The following MACROD2 variants were observed in gnomAD, a reference collection of about 807,000 sequenced individuals.
The protein encoded by MACROD2 is ADP-ribose glycohydrolase MACROD2.
MACROD2 carries 36 observed loss-of-function variants against 70.4 expected under a neutral mutation model. That is an observed-to-expected ratio of 0.51 (90% CI 0.39 to 0.68). The LOEUF is 0.68. Ranked by LOEUF, MACROD2 falls within the 30% of genes least tolerant of loss-of-function variation. The pLI is 0.00. For missense variants in MACROD2, 496 were observed against 538.4 expected (o/e 0.92, Z 0.78); for synonymous variants, 172 against 178.8 (o/e 0.96, Z 0.30).
At chr20:14,642,310 A>T (rs188133199) in intron 4 of MACROD2, among the ~76,000 whole-genome samples, 3 of 152,108 alleles carry the variant, frequency 2.0e-5, no homozygotes, top group Admixed American at 2.0e-4. Context: ...TTGATCTTCT[A>T]TCCAGACCAC....
At chr20:14,509,182 C>T (rs530048039) in intron 4 of MACROD2, among the ~76,000 whole-genome samples, 115 of 152,148 alleles carry the variant, frequency 7.6e-4, no homozygotes, top group African/African-American at 2.6e-3. Context: ...ATCTGTTAGG[C>T]TAGAGGGTTT....
chr20:15,035,421 T>C (rs1325962411), intron 5 of MACROD2, among the ~76,000 whole-genome samples: 1 of 120,240 alleles, frequency 8.3e-6, no homozygotes, highest in Non-Finnish European at 1.7e-5. Context: ...ATAAGTAAAA[T>C]AAAATAAAAT....
intron 5 of MACROD2, among the ~76,000 whole-genome samples, chr20:14,819,890 G>A (rs184748174): frequency 4.6e-5 from 7 of 152,030 alleles, no homozygotes; most frequent in Non-Finnish European, 7.4e-5. Flanking sequence ...CCCTGTGAAA[G>A]ATGCAGCAGA....
At chr20:16,048,864 A>G (rs985877759) in intron 17 of MACROD2, among the ~76,000 whole-genome samples, 1 of 152,234 alleles carries the variant, frequency 6.6e-6, no homozygotes, top group African/African-American at 2.4e-5. Flanking sequence ...GAATACACAT[A>G]GCAGATATGC....
Position 14,684,900 on chromosome 20 carries a change from T to C in MACROD2, c.359T>C (p.Leu120Pro), listed in dbSNP as rs2123596809. Residue 120 changes from leucine to proline, a missense_variant, in exon 5 of 18, where the codon CTG becomes CCG. Physicochemically the swap from Leu to Pro is moderately conservative, Grantham distance 98. Transcript: ENST00000684519. ...TGTTTGCTAGCTGAATGTCGTAACC[T>C]GAATGGCTGTGATACTGGACATGCA... Reference protein sequence around the residue: ...GPCLLAECRNLNGCDTGHAKI... With the variant: ...GPCLLAECRNPNGCDTGHAKI... The C allele has an allele frequency of 6.2e-7, 1 of 1,614,040 alleles. No homozygotes were observed. Among genetic ancestry groups the C allele is most frequent in the South Asian group, 1.1e-5 (1 of 91,084 alleles).
At chr20:15,110,812 C>T (rs1416263080) in intron 5 of MACROD2, among the ~76,000 whole-genome samples, 2 of 152,166 alleles carry the variant, frequency 1.3e-5, no homozygotes, top group African/African-American at 2.4e-5. Flanking sequence ...GTGACAAATG[C>T]ACCTCCCTAG....
chr20:15,562,381 T>G (rs892634473), intron 8 of MACROD2, among the ~76,000 whole-genome samples: 11 of 152,196 alleles, frequency 7.2e-5, no homozygotes, highest in Admixed American at 5.9e-4. Context: ...AGTCCCATTT[T>G]CCACCACATT....
intron 5 of MACROD2, chr20:14,850,273 C>A (rs1479353426): frequency 5.7e-6 from 1 of 176,300 alleles, no homozygotes. Flanking sequence ...TAAAACCCAG[C>A]CTAATAAAGT....
At chr20:15,546,325 G>A (rs915271694) in intron 8 of MACROD2, among the ~76,000 whole-genome samples, 2 of 152,176 alleles carry the variant, frequency 1.3e-5, no homozygotes, top group East Asian at 1.9e-4. Flanking sequence ...CTAAATGACT[G>A]TAAATGGATT....
intron 5 of MACROD2, among the ~76,000 whole-genome samples, chr20:14,962,973 G>A (rs1166544919): frequency 6.6e-6 from 1 of 152,154 alleles, no homozygotes; most frequent in Non-Finnish European, 1.5e-5. Flanking sequence ...CCTGTTCGGA[G>A]ATGATTAGCA....
intron 5 of MACROD2, among the ~76,000 whole-genome samples, chr20:14,701,042 C>A (rs1322368348): frequency 1.3e-5 from 2 of 152,106 alleles, no homozygotes; most frequent in Non-Finnish European, 2.9e-5. Context: ...ATAAGGCCTG[C>A]AGCTTAACAG....
chr20:15,247,927 A>G (rs1025292274), intron 6 of MACROD2, among the ~76,000 whole-genome samples: 3 of 152,024 alleles, frequency 2.0e-5, no homozygotes, highest in Non-Finnish European at 2.9e-5. Context: ...TCAATTCCCA[A>G]CCTCAGGTGA....
intron 8 of MACROD2, among the ~76,000 whole-genome samples, chr20:15,735,948 C>T (rs1262269721): frequency 7.6e-6 from 1 of 131,100 alleles, no homozygotes; most frequent in Middle Eastern, 3.5e-3. Flanking sequence ...ATGTGCTGTA[C>T]ACTATACTAA....
chr20:14,716,209 AAGAT>A (rs1257415856), intron 5 of MACROD2, among the ~76,000 whole-genome samples: 1 of 152,178 alleles, frequency 6.6e-6, no homozygotes. Flanking sequence ...ATCCAAATAA[AAGAT>A]AGTTTTTTAA....
intron 7 of MACROD2, among the ~76,000 whole-genome samples, chr20:15,492,660 C>T (rs2047246513): frequency 6.6e-6 from 1 of 152,186 alleles, no homozygotes; most frequent in Admixed American, 6.5e-5. Context: ...ATCCTTCTCA[C>T]TCAGGACAAT....
At chr20:14,973,225 CTTTT>C (rs1223038135) in intron 5 of MACROD2, among the ~76,000 whole-genome samples, 1,426 of 85,712 alleles carry the variant, frequency 0.017, 23 homozygotes, top group African/African-American at 0.062. Context: ...TGAGTAGTTG[CTTTT>C]TTTTTTTTTT....
intron 5 of MACROD2, among the ~76,000 whole-genome samples, chr20:14,827,120 C>T (rs1360762848): frequency 6.6e-6 from 1 of 152,086 alleles, no homozygotes; most frequent in African/African-American, 2.4e-5. Flanking sequence ...AGCATCATCG[C>T]GTCCTTGGAT....
At chr20:14,713,216 C>T (rs2071358983) in intron 5 of MACROD2, among the ~76,000 whole-genome samples, 1 of 151,990 alleles carries the variant, frequency 6.6e-6, no homozygotes, top group South Asian at 2.1e-4. Context: ...TCTTTTAATA[C>T]CAATGACCAG....
intron 3 of MACROD2, among the ~76,000 whole-genome samples, chr20:14,112,230 TGGA>T (rs2054460910): frequency 6.6e-6 from 1 of 151,744 alleles, no homozygotes; most frequent in South Asian, 2.1e-4. Flanking sequence ...AGTGGGGGGT[TGGA>T]GGGTAAGTGG....
Sources: allele counts gnomAD v4.1 joint callset (sites outside exome capture counted in the v4.1 genomes callset), GRCh38; gene constraint gnomAD v4.1.1; transcripts MANE v1.5; gene names NCBI Gene and HGNC (gene_info 2026-07-23, HGNC 2026-07-21).